PATJ: variants seen among roughly 807,000 people sequenced by gnomAD.
The protein encoded by PATJ is inaD-like protein.
A neutral mutation model predicts 224.9 loss-of-function variants in PATJ; 190 were observed. The ratio of observed to expected loss-of-function variants is 0.84; its 90% CI spans 0.75 to 0.95. PATJ has a LOEUF of 0.95. Among genes scored for constraint, PATJ ranks in the 40% least tolerant of loss-of-function variants. The probability of loss-of-function intolerance (pLI) is 0.00; values close to 1 mark genes in which losing one functional copy is unlikely to be tolerated. For missense variants in PATJ, 2,121 were observed against 2,270.3 expected (o/e 0.93, Z 1.34); for synonymous variants, 769 against 820.3 (o/e 0.94, Z 1.07).
At chr1:62,064,226 G>A (rs532412002) in intron 31 of PATJ, among the ~76,000 whole-genome samples, 3 of 152,006 alleles carry the variant, frequency 2.0e-5, no homozygotes, top group East Asian at 3.8e-4. Context: ...GGATTTTATC[G>A]AAAGCTTTTT....
intron 29 of PATJ, among the ~76,000 whole-genome samples, chr1:62,027,418 A>G (rs1042828922): frequency 2.0e-5 from 3 of 152,196 alleles, no homozygotes; most frequent in Admixed American, 6.5e-5. Flanking sequence ...TAATGCTGCT[A>G]TGAACATGGA....
chr1:62,131,618 A>G (rs906620672), intron 41 of PATJ, among the ~76,000 whole-genome samples: 1 of 151,882 alleles, frequency 6.6e-6, no homozygotes, highest in African/African-American at 2.4e-5. Flanking sequence ...ATTGCACCCC[A>G]GCATGGGCTA....
In PATJ at chr1:61,911,834, A is replaced by T. The variant is rs370207559; in HGVS notation, c.3493-2753A>T. Among the ~76,000 whole-genome samples the T allele has an allele frequency of 1.9e-4, 28 of 148,976 alleles. No individual in the cohort carries two copies. The East Asian group carries it at 3.3e-3, about 18-fold the overall frequency. On this transcript the variant is annotated intron_variant, in intron 25 of 43. Coordinates refer to ENST00000642238, the MANE Select transcript of PATJ (RefSeq NM_001350145.3). ...AAACCCCACCAGTCTTTGAAATCTG[A>T]CTTAGGTTGTTATATGTATTAAACA...
chr1:62,055,062 G>GA (rs1162911949), intron 31 of PATJ, among the ~76,000 whole-genome samples: 4 of 150,984 alleles, frequency 2.6e-5, no homozygotes, highest in East Asian at 1.9e-4. Flanking sequence ...TCAAAAAAAA[G>GA]AAAAAAAAAT....
At position 62,142,498 on chromosome 1, in the gene PATJ, G is replaced by T. The variant is rs540773998; in HGVS notation, c.5272-5786G>T. ...ATCCCTATTCCTTATGACAGTTTTA[G>T]ATTCGCTCATTCACTCCACAATTAT... On this transcript the variant is annotated intron_variant, in intron 41 of 43. Coordinates refer to ENST00000642238, the MANE Select transcript of PATJ (RefSeq NM_001350145.3). Among the ~76,000 whole-genome samples the T allele has an allele frequency of 1.6e-4, 25 of 152,312 alleles. No individual in the cohort carries two copies. The South Asian group carries it at 5.2e-3, about 32-fold the overall frequency.
chr1:61,955,934 G>A (rs1336749562), intron 27 of PATJ, among the ~76,000 whole-genome samples: 1 of 152,064 alleles, frequency 6.6e-6, no homozygotes, highest in East Asian at 1.9e-4. Flanking sequence ...ACATATAATT[G>A]GAATTACTCC....
chr1:62,152,998 G>C (rs543777961), intron 42 of PATJ, among the ~76,000 whole-genome samples: 2 of 151,502 alleles, frequency 1.3e-5, no homozygotes, highest in South Asian at 4.2e-4. Context: ...AATTAGCCAG[G>C]TATGGCACAC....
chr1:61,904,649 G>A (rs777667348), intron 24 of PATJ, among the ~76,000 whole-genome samples: 1 of 152,190 alleles, frequency 6.6e-6, no homozygotes, highest in African/African-American at 2.4e-5. Flanking sequence ...AAACAAAGAG[G>A]TTTAATTGAC....
Position 61,763,541 on chromosome 1 carries a change from A to G in PATJ, c.189+362A>G, listed in dbSNP as rs570530024. 7.7e-4 allele frequency among the ~76,000 whole-genome samples: 117 copies of G among 152,170 alleles called. 1 individual carries two copies. The highest frequency in any genetic ancestry group is 2.8e-3 in the African/African-American group (116 of 41,528). Reference sequence around the variant, plus strand: ...AGTTGAGACCCTGTCTCAAAAAAAAAAAAAAAAATTGTGTTTGGTTTTAGA... The same window carrying G: ...AGTTGAGACCCTGTCTCAAAAAAAAGAAAAAAAATTGTGTTTGGTTTTAGA... On this transcript the variant is annotated intron_variant, in intron 3 of 43. Transcript: ENST00000642238.
intron 33 of PATJ, among the ~76,000 whole-genome samples, chr1:62,104,550 T>C (rs1022290240): frequency 3.1e-4 from 47 of 152,136 alleles, no homozygotes; most frequent in African/African-American, 1.1e-3. Context: ...GGCCTTTTTT[T>C]CCCCTAAATA....
rs1015533652 is a variant in PATJ, at chr1:61,867,581, T to A, written c.2835+2948T>A. 1.3e-3 allele frequency among the ~76,000 whole-genome samples: 38 copies of A among 28,182 alleles called. 1 individual carries two copies. The East Asian group carries it at 0.13, about 96-fold the overall frequency. 18.5% of individuals were successfully genotyped at this position (28,182 alleles called of 152,430 possible). On this transcript the variant is annotated intron_variant, in intron 20 of 43. Coordinates refer to ENST00000642238, the MANE Select transcript of PATJ (RefSeq NM_001350145.3). ...ATTTTAAAATCTGTAAAATTTTTTT[T>A]TTTTTTTTTTTGCCAATTCTCACGT...
intron 31 of PATJ, among the ~76,000 whole-genome samples, chr1:62,064,851 C>T (rs1267038740): frequency 6.6e-6 from 1 of 152,150 alleles, no homozygotes; most frequent in East Asian, 1.9e-4. Flanking sequence ...CTATTGGGAG[C>T]AAATGTCACT....
At chr1:61,945,743 C>A (rs549241133) in intron 27 of PATJ, among the ~76,000 whole-genome samples, 3 of 152,262 alleles carry the variant, frequency 2.0e-5, no homozygotes, top group African/African-American at 7.2e-5. Context: ...AACTCTCCAC[C>A]CCAAATCAAC....
At chr1:61,791,476 G>T in intron 9 of PATJ, 29 bp downstream of exon 9, 2 of 1,368,704 alleles carry the variant, frequency 1.5e-6, no homozygotes, top group South Asian at 2.4e-5. Context: ...TTTTATATTT[G>T]GAAATTGTAA....
chr1:62,060,211 G>A (rs556366672), intron 31 of PATJ, among the ~76,000 whole-genome samples: 1 of 152,222 alleles, frequency 6.6e-6, no homozygotes, highest in Non-Finnish European at 1.5e-5. Flanking sequence ...TAATGAAAGC[G>A]TTAATACTGT....
chr1:62,137,123 G>A (rs550702824), intron 41 of PATJ, among the ~76,000 whole-genome samples: 186 of 151,996 alleles, frequency 1.2e-3, no homozygotes, highest in African/African-American at 4.3e-3. Flanking sequence ...TACTCATTTC[G>A]AAAGCTTAAT....
At chr1:62,001,414 C>G (rs1029573822) in intron 28 of PATJ, among the ~76,000 whole-genome samples, 4 of 148,044 alleles carry the variant, frequency 2.7e-5, no homozygotes, top group Non-Finnish European at 4.5e-5. Flanking sequence ...ATATGGCTAG[C>G]CAGTTTTCCC....
At position 61,870,999 on chromosome 1, in the gene PATJ, G is replaced by A. The variant is rs1316562324; in HGVS notation, c.2836-4244G>A. On this transcript the variant is annotated intron_variant, in intron 20 of 43. Coordinates refer to ENST00000642238, the MANE Select transcript of PATJ (RefSeq NM_001350145.3). ...GAGCATCCTTTCATGTGCTTATTTG[G>A]CCATCTTTATGTATTCTTTGGAGAA... Among the ~76,000 whole-genome samples, 3 of 150,070 alleles carry A rather than the reference G, an allele frequency of 2.0e-5. No homozygotes were observed. In the East Asian group the frequency reaches 5.9e-4, roughly 29 times the overall value.
chr1:62,094,600 CACACACACAG>C (rs1661174934), intron 33 of PATJ, among the ~76,000 whole-genome samples: 2 of 134,868 alleles, frequency 1.5e-5, no homozygotes, highest in Non-Finnish European at 3.2e-5. Flanking sequence ...CACACACACA[CACACACACAG>C]AGATGTTAGT....
Sources: gnomAD v4.1 joint callset for allele counts (sites outside exome capture counted in the v4.1 genomes callset) on GRCh38, gnomAD v4.1.1 for gene constraint, MANE v1.5 for transcripts, NCBI Gene and HGNC (gene_info 2026-07-23, HGNC 2026-07-21) for gene names.